MYSM1: variants seen among roughly 807,000 people sequenced by gnomAD.
MYSM1 encodes deubiquitinase MYSM1.
MYSM1 carries 51 observed loss-of-function variants against 116.0 expected under a neutral mutation model. The observed-to-expected ratio is 0.44, with a 90% confidence interval of 0.35 to 0.56. The LOEUF (loss-of-function observed/expected upper bound fraction) is 0.56. MYSM1 is among the 20% of genes least tolerant of loss of function. MYSM1 has a pLI of 0.00. For missense variants in MYSM1, 900 were observed against 974.9 expected, an observed-to-expected ratio of 0.92 and a Z score of 1.02; for synonymous variants, 313 against 315.2, an observed-to-expected ratio of 0.99 and a Z score of 0.07.
At chr1:58,698,100 A>ATTTTTTTTTT (rs1446935480) in intron 1 of MYSM1, among the ~76,000 whole-genome samples, 8 of 4,958 alleles carry the variant, frequency 1.6e-3, no homozygotes, top group African/African-American at 2.7e-3. Flanking sequence ...ATATATATAT[A>ATTTTTTTTTT]TATTTTTTTT....
intron 10 of MYSM1, among the ~76,000 whole-genome samples, chr1:58,674,892 A>G (rs1442564449): frequency 6.8e-6 from 1 of 147,600 alleles, no homozygotes; most frequent in African/African-American, 2.5e-5. Flanking sequence ...GCACCACCAT[A>G]CTCTAGCCTG....
chr1:58,661,119 T>C (rs749731823), intron 19 of MYSM1, 51 bp downstream of exon 19: 4 of 1,352,878 alleles, frequency 3.0e-6, no homozygotes, highest in Non-Finnish European at 4.2e-6. Flanking sequence ...TTGAGATGAA[T>C]AGCTTCAGAA....
chr1:58,690,495 T>C, intron 3 of MYSM1, 78 bp from the exon 4 acceptor site: 2 of 953,782 alleles, frequency 2.1e-6, no homozygotes, highest in South Asian at 1.7e-5. Context: ...AAACGTGTGC[T>C]ACATAAATGT....
intron 6 of MYSM1, among the ~76,000 whole-genome samples, chr1:58,685,761 C>A (rs931347367): frequency 6.6e-6 from 1 of 152,082 alleles, no homozygotes; most frequent in Non-Finnish European, 1.5e-5. Flanking sequence ...AAGACTAAAT[C>A]GATTAAATCA....
At chr1:58,690,685 T>A (rs1489883707) in intron 3 of MYSM1, among the ~76,000 whole-genome samples, 2 of 151,788 alleles carry the variant, frequency 1.3e-5, no homozygotes, top group African/African-American at 2.4e-5. Context: ...TTGTGATTTT[T>A]TTTTTTTTTT....
At chr1:58,688,589 TAG>T (rs1267652899) in intron 6 of MYSM1, among the ~76,000 whole-genome samples, 1 of 152,068 alleles carries the variant, frequency 6.6e-6, no homozygotes, top group Non-Finnish European at 1.5e-5. Flanking sequence ...GGTCTTCATT[TAG>T]AGTCGCTGAA....
intron 6 of MYSM1, among the ~76,000 whole-genome samples, chr1:58,688,753 T>C (rs1455215332): frequency 6.6e-6 from 1 of 152,158 alleles, no homozygotes; most frequent in East Asian, 1.9e-4. Flanking sequence ...GTTGGTGTCA[T>C]GTATACAGAT....
chr1:58,683,038 G>T (rs563249768), intron 7 of MYSM1, among the ~76,000 whole-genome samples: 56 of 152,298 alleles, frequency 3.7e-4, no homozygotes, highest in South Asian at 1.9e-3. Flanking sequence ...CACGTTCATG[G>T]TGGTAGGACC....
chr1:58,667,042 T>C lies in MYSM1; in HGVS notation c.2027A>G (p.Tyr676Cys). The stretch of plus-strand genomic sequence containing the variant: ...ATATAAATATACATGTAATACCTGG[T>C]ATTTAGCTTGTGTGTCAATATCTCG... The part of the protein sequence containing the change: ...SLRDIDTQAK[Y>C]QSYFSRGGAK... The change falls in exon 16 of 20, where the codon TAC becomes TGC. Residue 676 changes from tyrosine to cysteine, a missense_variant. Coordinates refer to ENST00000472487, the MANE Select transcript of MYSM1 (RefSeq NM_001085487.3). 1 of 1,602,116 alleles carries C rather than the reference T, an allele frequency of 6.2e-7. No homozygotes were observed. Among genetic ancestry groups the C allele is most frequent in the Non-Finnish European group, 8.5e-7 (1 of 1,170,874 alleles).
intron 1 of MYSM1, among the ~76,000 whole-genome samples, chr1:58,699,162 G>T (rs1645026320): frequency 6.6e-6 from 1 of 152,178 alleles, no homozygotes; most frequent in Non-Finnish European, 1.5e-5. Context: ...GATTCAGAAA[G>T]CAAGGAGTCA....
At chr1:58,679,307 C>T (rs1025214875) in intron 8 of MYSM1, among the ~76,000 whole-genome samples, 5 of 152,132 alleles carry the variant, frequency 3.3e-5, no homozygotes, top group African/African-American at 1.2e-4. Flanking sequence ...ATAGCAATAC[C>T]TAACCAGTTT....
At chr1:58,683,920 T>C (rs577573234) in intron 7 of MYSM1, among the ~76,000 whole-genome samples, 164 of 152,246 alleles carry the variant, frequency 1.1e-3, no homozygotes, top group African/African-American at 3.8e-3. Context: ...ATATGAAAAA[T>C]GTATCCTTCT....
chr1:58,689,647 T>A (rs1263186416), intron 5 of MYSM1: 1 of 152,762 alleles, frequency 6.5e-6, no homozygotes, highest in Non-Finnish European at 1.5e-5. Context: ...AGCAACCCAT[T>A]AATCCTTTTG....
At chr1:58,671,827 T>C (rs1203029112) in intron 12 of MYSM1, 43 bp downstream of exon 12, 6 of 1,420,626 alleles carry the variant, frequency 4.2e-6, no homozygotes, top group African/African-American at 1.4e-5. Flanking sequence ...TATCTAGCCA[T>C]TTGTGATAAA....
intron 17 of MYSM1, among the ~76,000 whole-genome samples, chr1:58,662,462 C>CAT (rs11431098): frequency 9.2e-6 from 1 of 109,190 alleles, no homozygotes; most frequent in Admixed American, 9.0e-5. Flanking sequence ...TCACCCCCCC[C>CAT]TTTTTTTTTT....
intron 6 of MYSM1, among the ~76,000 whole-genome samples, chr1:58,685,752 A>T (rs1644818926): frequency 1.3e-5 from 2 of 152,186 alleles, no homozygotes; most frequent in South Asian, 4.1e-4. Context: ...CTGACCTAAA[A>T]GACTAAATCG....
At chr1:58,691,551 A>G (rs1644906424) in intron 3 of MYSM1, among the ~76,000 whole-genome samples, 1 of 152,078 alleles carries the variant, frequency 6.6e-6, no homozygotes, top group African/African-American at 2.4e-5. Context: ...TGCATGAACT[A>G]GGATGTACTC....
chr1:58,692,727 A>G, intron 3 of MYSM1, 134 bp downstream of exon 3: 1 of 575,942 alleles, frequency 1.7e-6, no homozygotes, highest in Non-Finnish European at 3.0e-6. Context: ...ATACATAGGT[A>G]ACATGAAATT....
At chr1:58,673,861 C>T (rs755135592) in intron 10 of MYSM1, among the ~76,000 whole-genome samples, 4 of 152,172 alleles carry the variant, frequency 2.6e-5, no homozygotes, top group East Asian at 1.9e-4. Context: ...TCAGTGATGG[C>T]GAGGTAAGGG....
Sources: allele counts gnomAD v4.1 joint callset (sites outside exome capture counted in the v4.1 genomes callset), GRCh38; gene constraint gnomAD v4.1.1; transcripts MANE v1.5; gene names NCBI Gene and HGNC (gene_info 2026-07-23, HGNC 2026-07-21).